The following RBFOX2 variants were observed in gnomAD, a reference collection of about 807,000 sequenced individuals.
The protein encoded by RBFOX2 is RNA binding fox-1 homolog 2.
Under a neutral mutation model 49.1 loss-of-function variants are expected in RBFOX2, and 10 were observed. That is an observed-to-expected ratio of 0.20 (90% CI 0.13 to 0.35). The LOEUF is 0.35. Ranked by LOEUF, RBFOX2 falls within the 10% of genes least tolerant of loss-of-function variation. The pLI is 1.00. For missense variants in RBFOX2, 323 were observed against 486.9 expected, an observed-to-expected ratio of 0.66 and a Z score of 3.17; for synonymous variants, 183 against 187.4, an observed-to-expected ratio of 0.98 and a Z score of 0.19.
exon 12 of RBFOX2, chr22:35,744,234 C>T (rs1209892915): frequency 6.2e-7 from 1 of 1,611,150 alleles, no homozygotes; most frequent in Admixed American, 1.7e-5. Context: ...CTGTAGCCAC[C>T]TCGGTATAAA....
chr22:35,978,279 T>C (rs1284774962), intron 1 of RBFOX2, among the ~76,000 whole-genome samples: 1 of 152,178 alleles, frequency 6.6e-6, no homozygotes, highest in East Asian at 1.9e-4. Flanking sequence ...ATTTAAAATA[T>C]GTAACACACA....
chr22:36,024,315 A>C (rs2146569482), intron 1 of RBFOX2, among the ~76,000 whole-genome samples: 1 of 152,352 alleles, frequency 6.6e-6, no homozygotes, highest in African/African-American at 2.4e-5. Flanking sequence ...GTGAAACAAG[A>C]ATAATAAAAC....
upstream of RBFOX2, among the ~76,000 whole-genome samples, chr22:35,843,412 G>A (rs2040763648): frequency 6.6e-6 from 1 of 151,864 alleles, no homozygotes; most frequent in Non-Finnish European, 1.5e-5. Flanking sequence ...ACAAATGAAG[G>A]AAAGAGGTAC....
chr22:35,878,257 G>T, intron 1 of RBFOX2, among the ~76,000 whole-genome samples: 1 of 152,076 alleles, frequency 6.6e-6, no homozygotes, highest in East Asian at 1.9e-4. Context: ...AATTAGCCGA[G>T]CATGGTGGTA....
intron 2 of RBFOX2, among the ~76,000 whole-genome samples, chr22:35,788,410 A>G (rs1026751987): frequency 1.3e-5 from 2 of 152,110 alleles, no homozygotes; most frequent in Non-Finnish European, 2.9e-5. Context: ...GTCCCCCAAT[A>G]GAAGTCTTCA....
rs1468881159 is a variant in RBFOX2, at chr22:35,929,854, G to A, written c.-34+8993C>T. On this transcript the variant is annotated intron_variant, in intron 1 of 13. Coordinates refer to the RBFOX2 transcript ENST00000359369. Reference sequence around the variant, plus strand: ...GCTGGGGGAGAGAGGGAGGACTGGAGAGGGAGCAGGGAATGACTGCAAAAG... The same window carrying A: ...GCTGGGGGAGAGAGGGAGGACTGGAAAGGGAGCAGGGAATGACTGCAAAAG... Among the ~76,000 whole-genome samples, 6 of 152,094 alleles carry A rather than the reference G, an allele frequency of 3.9e-5. No individual in the cohort carries two copies. In the East Asian group the frequency reaches 1.2e-3, roughly 29 times the overall value.
intron 9 of RBFOX2, chr22:35,756,115 G>A (rs866407475): frequency 6.7e-7 from 1 of 1,502,636 alleles, no homozygotes; most frequent in South Asian, 1.3e-5. Context: ...ATAGAGGTCA[G>A]CACCGTAAAA....
chr22:35,781,571 A>G, intron 3 of RBFOX2, 29 bp downstream of exon 4: 1 of 1,602,218 alleles, frequency 6.2e-7, no homozygotes, highest in Non-Finnish European at 8.5e-7. Context: ...TTTAATTGTA[A>G]AATCCATAAA....
chr22:35,801,858 T>TA (rs562968482), intron 2 of RBFOX2, among the ~76,000 whole-genome samples: 4 of 150,488 alleles, frequency 2.7e-5, no homozygotes, highest in East Asian at 1.9e-4. Context: ...AATGTACACT[T>TA]AAAAAAAAAG....
intron 1 of RBFOX2, chr22:35,840,121 C>T (rs1880996315): frequency 3.2e-6 from 5 of 1,555,500 alleles, no homozygotes; most frequent in South Asian, 1.1e-5. Context: ...TCTTACTATA[C>T]TCCACCCTCA....
chr22:35,808,540 T>A (rs913955152), intron 2 of RBFOX2, among the ~76,000 whole-genome samples: 2 of 152,184 alleles, frequency 1.3e-5, no homozygotes, highest in African/African-American at 4.8e-5. Context: ...GTAGAACATT[T>A]CTATCTTTAG....
rs545884388 is a variant in RBFOX2 at position 35,854,698 on chromosome 22, T to C, written c.-33-44694A>G. Among the ~76,000 whole-genome samples the C allele has an allele frequency of 2.6e-4, 39 of 152,280 alleles. No individual in the cohort carries two copies. The South Asian group carries it at 7.9e-3, about 31-fold the overall frequency. On this transcript the variant is annotated intron_variant, in intron 1 of 13. Transcript: ENST00000359369. ...GTTCTGCTGAAACCATGCCCAGGTA[T>C]AGCTTAAATCATCAGCTCTTCAGAA...
chr22:35,825,792 C>A (rs1001199158), intron 1 of RBFOX2, among the ~76,000 whole-genome samples: 1 of 151,492 alleles, frequency 6.6e-6, no homozygotes, highest in African/African-American at 2.4e-5. Flanking sequence ...ACCAGCCTAA[C>A]CAACATGGTG....
intron 1 of RBFOX2, among the ~76,000 whole-genome samples, chr22:35,912,120 T>C (rs1028488833): frequency 6.6e-6 from 1 of 152,152 alleles, no homozygotes; most frequent in African/African-American, 2.4e-5. Flanking sequence ...AACAGGCACA[T>C]AATAAACATT....
At chr22:35,978,813 C>T (rs6000050) in intron 1 of RBFOX2, among the ~76,000 whole-genome samples, 19 of 152,290 alleles carry the variant, frequency 1.2e-4, no homozygotes, top group African/African-American at 4.6e-4. Flanking sequence ...TGACATCTAA[C>T]AAATACAGGC....
At chr22:35,977,722 C>CTATAGATATATATATATA (rs1289842750) in intron 1 of RBFOX2, among the ~76,000 whole-genome samples, 3 of 80,876 alleles carry the variant, frequency 3.7e-5, no homozygotes, top group African/African-American at 1.4e-4. Flanking sequence ...CCTGAATGAA[C>CTATAGATATATATATATA]TATATATATA....
At chr22:36,010,201 A>C (rs1269553210) in intron 1 of RBFOX2, among the ~76,000 whole-genome samples, 1 of 152,122 alleles carries the variant, frequency 6.6e-6, no homozygotes, top group Non-Finnish European at 1.5e-5. Context: ...TATCAGGGAC[A>C]TGGAGTAACC....
chr22:36,005,790 G>A (rs568586955), intron 1 of RBFOX2, among the ~76,000 whole-genome samples: 5 of 152,322 alleles, frequency 3.3e-5, no homozygotes, highest in African/African-American at 9.6e-5. Flanking sequence ...GCAAAGTAGA[G>A]CCAATCGTTT....
At chr22:35,959,245 C>T (rs1025635297) in intron 1 of RBFOX2, among the ~76,000 whole-genome samples, 1 of 152,154 alleles carries the variant, frequency 6.6e-6, no homozygotes, top group African/African-American at 2.4e-5. Flanking sequence ...GAGAGTCAGA[C>T]TCAGAGAGAT....
Sources: gnomAD v4.1 joint callset for allele counts (sites outside exome capture counted in the v4.1 genomes callset) on GRCh38, gnomAD v4.1.1 for gene constraint, MANE v1.5 for transcripts, NCBI Gene and HGNC (gene_info 2026-07-23, HGNC 2026-07-21) for gene names.